Variants in IL1RAPL1 observed in about 807,000 individuals in gnomAD.
The protein encoded by IL1RAPL1 is interleukin 1 receptor accessory protein like 1.
Under a neutral mutation model 48.4 loss-of-function variants are expected in IL1RAPL1, and 3 were observed. The observed-to-expected ratio is 0.06, with a 90% CI of 0.03 to 0.16. The LOEUF is 0.16. Among genes scored for constraint, IL1RAPL1 ranks in the 10% least tolerant of loss-of-function variants. IL1RAPL1 has a pLI of 1.00. For missense variants in IL1RAPL1, 349 were observed against 530.6 expected (o/e 0.66, Z 3.36); for synonymous variants, 185 against 187.7 (o/e 0.99, Z 0.12).
At chrX:29,220,458 A>G (rs1341183527) in intron 2 of IL1RAPL1, among the ~76,000 whole-genome samples, 1 of 112,366 alleles carries the variant, frequency 8.9e-6, no homozygotes, top group Non-Finnish European at 1.9e-5. Context: ...TAGCTAGATT[A>G]TAATTTTGAA....
At chrX:29,638,312 G>A (rs1276618970) in intron 5 of IL1RAPL1, among the ~76,000 whole-genome samples, 30 of 99,027 alleles carry the variant, frequency 3.0e-4, no homozygotes, top group Admixed American at 2.8e-3. Context: ...ACTCCATCGC[G>A]TAGGCTGGAG....
At chrX:29,149,589 G>A (rs1018630676) in intron 2 of IL1RAPL1, among the ~76,000 whole-genome samples, 10 of 111,485 alleles carry the variant, frequency 9.0e-5, no homozygotes, top group African/African-American at 2.6e-4. Context: ...GAGCAACCAC[G>A]GAGCCCAACC....
chrX:29,769,375 A>G (rs1253268060), intron 6 of IL1RAPL1, among the ~76,000 whole-genome samples: 1 of 94,596 alleles, frequency 1.1e-5, no homozygotes, highest in Non-Finnish European at 2.0e-5. Context: ...GTTCTTGGTT[A>G]TATACCTACA....
chrX:29,186,877 A>G (rs1052123955), intron 2 of IL1RAPL1, among the ~76,000 whole-genome samples: 1 of 111,535 alleles, frequency 9.0e-6, no homozygotes, highest in Admixed American at 9.6e-5. Context: ...TTCTGCAGAA[A>G]AGTAAATACC....
At chrX:28,815,911 T>G (rs1161697666) in intron 2 of IL1RAPL1, among the ~76,000 whole-genome samples, 1 of 83,424 alleles carries the variant, frequency 1.2e-5, no homozygotes, top group Non-Finnish European at 2.3e-5. Flanking sequence ...ATTCATCCAT[T>G]CATGGAACTT....
intron 5 of IL1RAPL1, among the ~76,000 whole-genome samples, chrX:29,447,659 C>T (rs1335817195): frequency 8.9e-6 from 1 of 111,931 alleles, no homozygotes; most frequent in African/African-American, 3.2e-5. Flanking sequence ...GTCCTTATAC[C>T]ATATTTTCAC....
chrX:28,605,311 T>C (rs1318681167), intron 1 of IL1RAPL1, among the ~76,000 whole-genome samples: 3 of 112,516 alleles, frequency 2.7e-5, no homozygotes, highest in Non-Finnish European at 5.6e-5. Context: ...ACTAAACTTC[T>C]TTTTTCCCTC....
intron 2 of IL1RAPL1, among the ~76,000 whole-genome samples, chrX:29,036,128 A>G (rs956112938): frequency 3.6e-5 from 4 of 112,333 alleles, no homozygotes; most frequent in African/African-American, 1.3e-4. Context: ...ATTGGCATCT[A>G]TGTGGCTGTG....
Position 28,975,958 on chromosome X carries a change from T to C in IL1RAPL1, c.82+186533T>C, listed in dbSNP as rs761896284. On this transcript the variant is annotated intron_variant, in intron 2 of 10. Transcript: ENST00000378993. ...CAGCAAATGCAAACAACAAGAGAAA[T>C]GAACACGTATGTCATGTTCAAAGAA... Among the ~76,000 whole-genome samples the C allele has an allele frequency of 3.6e-5, 4 of 111,107 alleles. No homozygotes were observed. The East Asian group carries it at 8.5e-4, about 24-fold the overall frequency.
At chrX:29,715,260 T>C (rs1927451743) in intron 6 of IL1RAPL1, among the ~76,000 whole-genome samples, 1 of 111,202 alleles carries the variant, frequency 9.0e-6, no homozygotes, top group Admixed American at 9.6e-5. Context: ...TCCTAAAACA[T>C]TAGCTTTCAT....
chrX:29,312,276 C>T (rs1932736636), intron 3 of IL1RAPL1, among the ~76,000 whole-genome samples: 1 of 110,970 alleles, frequency 9.0e-6, no homozygotes, highest in South Asian at 3.8e-4. Flanking sequence ...CCCATCTGTA[C>T]TAAAAGTACA....
At chrX:29,179,225 T>C (rs986523024) in intron 2 of IL1RAPL1, among the ~76,000 whole-genome samples, 4 of 111,487 alleles carry the variant, frequency 3.6e-5, no homozygotes, top group African/African-American at 6.5e-5. Flanking sequence ...TTCCTACCCA[T>C]GAGCATGGAA....
At position 29,532,794 on chromosome X, in the gene IL1RAPL1, C is replaced by A. The variant is rs1251286668; in HGVS notation, c.703+133486C>A. On this transcript the variant is annotated intron_variant, in intron 5 of 10. Coordinates refer to ENST00000378993, the MANE Select transcript of IL1RAPL1 (RefSeq NM_014271.4). ...TTTCAGGTTTACTTTTTAAACTCTT[C>A]AAGCATTTCTTATGGAAGTTCTCTT... Among the ~76,000 whole-genome samples the A allele has an allele frequency of 8.0e-5, 9 of 112,046 alleles. No individual in the cohort carries two copies. The South Asian group carries it at 3.3e-3, about 42-fold the overall frequency.
At chrX:29,218,715 G>C (rs935314998) in intron 2 of IL1RAPL1, among the ~76,000 whole-genome samples, 2 of 112,091 alleles carry the variant, frequency 1.8e-5, no homozygotes, top group African/African-American at 6.5e-5. Context: ...TCAAGAAACA[G>C]AGTTAATATC....
chrX:29,115,690 A>T (rs1366055665), intron 2 of IL1RAPL1, among the ~76,000 whole-genome samples: 1 of 108,444 alleles, frequency 9.2e-6, no homozygotes, highest in Non-Finnish European at 1.9e-5. Context: ...ATCCTGTCTG[A>T]CCACTTTTGC....
At chrX:28,901,904 T>C (rs1923084431) in intron 2 of IL1RAPL1, among the ~76,000 whole-genome samples, 1 of 111,653 alleles carries the variant, frequency 9.0e-6, no homozygotes, top group Non-Finnish European at 1.9e-5. Context: ...CTTTAAGTAA[T>C]TTGGGTTAGT....
Position 29,326,564 on chromosome X carries a change from A to G in IL1RAPL1, c.362+43347A>G, listed in dbSNP as rs184767943. On this transcript the variant is annotated intron_variant, in intron 3 of 10. Transcript: ENST00000378993. ...AGTAATATTGAGAATGCATTGTTCT[A>G]TGTCATAGCCCTCATTATTTCATTA... 5.3e-5 allele frequency among the ~76,000 whole-genome samples: 6 copies of G among 112,499 alleles called. No homozygotes were observed. In the East Asian group the frequency reaches 1.4e-3, roughly 26 times the overall value.
intron 2 of IL1RAPL1, among the ~76,000 whole-genome samples, chrX:29,278,450 C>T (rs1174305768): frequency 1.8e-5 from 2 of 111,568 alleles, no homozygotes; most frequent in African/African-American, 6.5e-5. Flanking sequence ...TTCATAAACT[C>T]CCATTGGCTG....
At chrX:29,443,893 G>A (rs1441880055) in intron 5 of IL1RAPL1, among the ~76,000 whole-genome samples, 1 of 111,995 alleles carries the variant, frequency 8.9e-6, no homozygotes, top group East Asian at 2.8e-4. Context: ...GCAAGAGAGA[G>A]CAATCCACAA....
Sources: allele counts gnomAD v4.1 joint callset (sites outside exome capture counted in the v4.1 genomes callset), GRCh38; gene constraint gnomAD v4.1.1; transcripts MANE v1.5; gene names NCBI Gene and HGNC (gene_info 2026-07-23, HGNC 2026-07-21).